MTMR7: variants seen among roughly 807,000 people sequenced by gnomAD.
MTMR7 encodes the protein myotubularin related protein 7.
A neutral mutation model predicts 81.2 loss-of-function variants in MTMR7; 76 were observed. The ratio of observed to expected loss-of-function variants is 0.94; its 90% confidence interval spans 0.78 to 1.13. The LOEUF is 1.13. Ranked by LOEUF, MTMR7 falls within the 50% of genes most tolerant of loss-of-function variation. The probability of loss-of-function intolerance (pLI) is 0.00; values close to 1 mark genes in which losing one functional copy is unlikely to be tolerated. For synonymous variants in MTMR7, 372 were observed against 289.8 expected, an observed-to-expected ratio of 1.28 and a Z score of -2.88; for missense variants, 1,044 against 820.0, an observed-to-expected ratio of 1.27 and a Z score of -3.34.
intron 4 of MTMR7, among the ~76,000 whole-genome samples, chr8:17,350,419 G>A (rs1010254514): frequency 5.9e-5 from 9 of 152,226 alleles, no homozygotes; most frequent in Admixed American, 1.3e-4. Context: ...GCAAGACAGC[G>A]TGTGTAGGGG....
chr8:17,379,479 T>C (rs1820694691), intron 1 of MTMR7, among the ~76,000 whole-genome samples: 1 of 152,160 alleles, frequency 6.6e-6, no homozygotes, highest in South Asian at 2.1e-4. Context: ...GGAAATAAAA[T>C]GACTCCATTA....
chr8:17,358,185 A>G (rs1371734464), intron 4 of MTMR7, among the ~76,000 whole-genome samples: 1 of 152,202 alleles, frequency 6.6e-6, no homozygotes, highest in African/African-American at 2.4e-5. Context: ...AAAAGACAAA[A>G]CATTTACATA....
At chr8:17,306,130 G>A (rs1213426248) in intron 10 of MTMR7, among the ~76,000 whole-genome samples, 173 bp from the exon 11 acceptor site, 2 of 152,166 alleles carry the variant, frequency 1.3e-5, no homozygotes. Context: ...AATTTCCAGA[G>A]CAACTTTGTA....
At chr8:17,335,502 T>C (rs2269692) in intron 6 of MTMR7, among the ~76,000 whole-genome samples, 18,998 of 152,150 alleles carry the variant, frequency 0.12, 1,584 homozygotes, top group East Asian at 0.31. Flanking sequence ...AAGTCTACCA[T>C]TTCCACAGCT....
At chr8:17,319,511 C>T (rs147240139) in intron 7 of MTMR7, among the ~76,000 whole-genome samples, 1 of 152,268 alleles carries the variant, frequency 6.6e-6, no homozygotes, top group South Asian at 2.1e-4. Context: ...AGACAAACCT[C>T]GAGTTTTTGC....
chr8:17,320,424 C>T (rs943933922), intron 7 of MTMR7, among the ~76,000 whole-genome samples: 1 of 151,728 alleles, frequency 6.6e-6, no homozygotes, highest in Admixed American at 6.6e-5. Context: ...TGTAAGGTGG[C>T]AACAAGGCAA....
At chr8:17,343,076 T>G (rs532990264) in intron 5 of MTMR7, among the ~76,000 whole-genome samples, 48 of 152,296 alleles carry the variant, frequency 3.2e-4, no homozygotes, top group African/African-American at 1.2e-3. Context: ...GAGGGAATTC[T>G]TCCTGGAAAG....
Position 17,371,051 on chromosome 8 carries a change from C to A in MTMR7, c.296G>T (p.Arg99Leu). 6.2e-7 allele frequency: 1 copy of A among 1,612,904 alleles called. No individual in the cohort carries two copies. The highest frequency in any genetic ancestry group is 8.5e-7 in the Non-Finnish European group (1 of 1,179,446). The stretch of plus-strand genomic sequence containing the variant: ...CTCTGCCCTACCTGGCCTTGCAAGG[C>A]GTATCAGGGAGATGTACACGTCGTG... The part of the protein sequence containing the change: ...DCHDVYISLI[R>L]LARPVKYEEL... The change falls in exon 3 of 14, where the codon CGC (arginine) becomes CTC (leucine). Residue 99 changes from arginine (R) to leucine (L), a missense_variant. Arg to Leu is a moderately radical substitution (Grantham distance 102). Coordinates refer to ENST00000180173, the MANE Select transcript of MTMR7 (RefSeq NM_004686.5).
rs763905684 is a variant in MTMR7, at chr8:17,373,120, A to G, written c.145T>C (p.Trp49Arg). 69 of 1,613,604 alleles carry G rather than the reference A, an allele frequency of 4.3e-5. No individual in the cohort carries two copies. Among genetic ancestry groups the G allele is most frequent in the Non-Finnish European group, 3.0e-5 (35 of 1,179,842 alleles). Residue 49 changes from tryptophan to arginine, a missense_variant and splice_region_variant, in exon 2 of 14, where the codon TGG becomes CGG. Trp to Arg is a moderately radical substitution (Grantham distance 101). Coordinates refer to ENST00000180173, the MANE Select transcript of MTMR7 (RefSeq NM_004686.5). Reference sequence around the variant, plus strand: ...AGCTAAAAATAAAGAAAGCATACCCATGTTTCTTTTCTTGGGTCAGGTGAA... The same window carrying G: ...AGCTAAAAATAAAGAAAGCATACCCGTGTTTCTTTTCTTGGGTCAGGTGAA... Reference protein sequence around the residue: ...ENSPDPRKETWILHSQISTIE... With the variant: ...ENSPDPRKETRILHSQISTIE...
intron 1 of MTMR7, among the ~76,000 whole-genome samples, chr8:17,393,353 G>C (rs976381923): frequency 6.6e-6 from 1 of 152,072 alleles, no homozygotes; most frequent in African/African-American, 2.4e-5. Flanking sequence ...GGCACCTAAA[G>C]TATGAGCAAC....
chr8:17,373,284 G>A lies in MTMR7; in HGVS notation c.25-44C>T, dbSNP rs369349152. The A allele has an allele frequency of 3.9e-5, 61 of 1,570,126 alleles. No individual in the cohort carries two copies. The African/African-American group carries it at 7.1e-4, about 18-fold the overall frequency. ...TGAAAAGAGTTACCGTAAAGCAGAA[G>A]AGCAATTCACGAAATAAATGATAAC... On this transcript the variant is annotated intron_variant, in intron 1 of 13. Transcript: ENST00000180173.
intron 1 of MTMR7, among the ~76,000 whole-genome samples, chr8:17,392,880 T>C (rs1821147801): frequency 6.6e-6 from 1 of 152,230 alleles, no homozygotes; most frequent in African/African-American, 2.4e-5. Context: ...TACAAACTTG[T>C]GGCCACATCC....
intron 7 of MTMR7, 23 bp from the exon 8 acceptor site, chr8:17,313,424 A>G: frequency 6.7e-7 from 1 of 1,495,730 alleles, no homozygotes; most frequent in Non-Finnish European, 9.3e-7. Context: ...TCATGTTATA[A>G]AAGCAAAATT....
chr8:17,317,457 C>A (rs1469168868), intron 7 of MTMR7, among the ~76,000 whole-genome samples: 1 of 152,214 alleles, frequency 6.6e-6, no homozygotes. Context: ...TCCATACTTA[C>A]ACTTTCACTT....
At chr8:17,340,761 A>G (rs1263531057) in intron 6 of MTMR7, among the ~76,000 whole-genome samples, 1 of 152,234 alleles carries the variant, frequency 6.6e-6, no homozygotes, top group Non-Finnish European at 1.5e-5. Flanking sequence ...ACAATCAACA[A>G]GTAGAAAGCC....
chr8:17,306,993 T>G (rs1243015276), intron 10 of MTMR7, among the ~76,000 whole-genome samples: 3 of 152,100 alleles, frequency 2.0e-5, no homozygotes, highest in Non-Finnish European at 2.9e-5. Context: ...GGACTTCATG[T>G]CTAAAACACC....
intron 1 of MTMR7, among the ~76,000 whole-genome samples, chr8:17,388,880 G>A (rs1052498064): frequency 5.3e-5 from 8 of 152,278 alleles, no homozygotes; most frequent in South Asian, 2.1e-4. Flanking sequence ...CCTCGGCTTC[G>A]AAGACCCCAA....
At chr8:17,331,124 A>C in intron 7 of MTMR7, 26 bp downstream of exon 7, 1 of 1,597,446 alleles carries the variant, frequency 6.3e-7, no homozygotes, top group South Asian at 1.1e-5. Flanking sequence ...CTGCATTTTA[A>C]TGCTGTGCAT....
At chr8:17,338,061 AAC>A (rs1466114882) in intron 6 of MTMR7, among the ~76,000 whole-genome samples, 2 of 152,230 alleles carry the variant, frequency 1.3e-5, no homozygotes, top group African/African-American at 4.8e-5. Flanking sequence ...AAGGAGGCCT[AAC>A]ACACTCTGGA....
Sources: allele counts gnomAD v4.1 joint callset (sites outside exome capture counted in the v4.1 genomes callset), GRCh38; gene constraint gnomAD v4.1.1; transcripts MANE v1.5; gene names NCBI Gene and HGNC (gene_info 2026-07-23, HGNC 2026-07-21).